Variants in ADGRB1 observed in about 807,000 individuals in gnomAD.
ADGRB1 encodes brain-specific angiogenesis inhibitor 1.
A neutral mutation model predicts 175.7 loss-of-function variants in ADGRB1; 36 were observed. The ratio of observed to expected loss-of-function variants is 0.20; its 90% confidence interval spans 0.16 to 0.27. The LOEUF (loss-of-function observed/expected upper bound fraction) is 0.27. ADGRB1 is among the 10% of genes least tolerant of loss of function. ADGRB1 has a pLI of 1.00. For missense variants in ADGRB1, 1,731 were observed against 2,255.3 expected (o/e 0.77, Z 4.71); for synonymous variants, 1,054 against 979.4 (o/e 1.08, Z -1.42).
chr8:142,501,536 G>T (rs1231691610), intron 17 of ADGRB1, among the ~76,000 whole-genome samples: 2 of 146,830 alleles, frequency 1.4e-5, no homozygotes, highest in East Asian at 3.9e-4. Context: ...TGGGGTGGTG[G>T]TGGTGATGGT....
intron 22 of ADGRB1, among the ~76,000 whole-genome samples, chr8:142,523,746 G>A (rs1217985755): frequency 6.9e-6 from 1 of 144,352 alleles, no homozygotes; most frequent in Non-Finnish European, 1.5e-5. Flanking sequence ...GTGGTGTCCA[G>A]AGATCTGGAG....
At chr8:142,520,968 G>A (rs767085386) in intron 20 of ADGRB1, 43 bp downstream of exon 20, 22 of 1,555,126 alleles carry the variant, frequency 1.4e-5, no homozygotes, top group East Asian at 2.2e-5. Context: ...CAACATCCTC[G>A]GGTGGTGAGG....
In ADGRB1 at chr8:142,526,472, C is replaced by A. The variant is rs1471457708; in HGVS notation, c.3313-70C>A. 7 of 1,384,008 alleles carry A rather than the reference C, an allele frequency of 5.1e-6. No individual in the cohort carries two copies. In the African/African-American group the frequency reaches 8.6e-5, roughly 17 times the overall value. The allele number at this position is 1,384,008 out of a possible 1,614,324, so 85.7% of individuals were successfully genotyped here. A position where few individuals can be genotyped will look rare whatever the true frequency, so the allele number is the denominator to read the frequency against. On this transcript the variant is annotated intron_variant, in intron 23 of 30. Transcript: ENST00000517894. ...CGTGGTTGGCGTAGCCAGCATCGGT[C>A]CGGCCAGTGTCAGCCCCTGAGCCTA...
intron 18 of ADGRB1, among the ~76,000 whole-genome samples, chr8:142,514,125 G>A (rs113231965): frequency 0.013 from 1,958 of 152,166 alleles, 51 homozygotes; most frequent in African/African-American, 0.045. Flanking sequence ...GGATGGACAC[G>A]TTGGGTGTGG....
At chr8:142,460,448 C>T (rs1839914177) in intron 1 of ADGRB1, among the ~76,000 whole-genome samples, 1 of 152,234 alleles carries the variant, frequency 6.6e-6, no homozygotes, top group African/African-American at 2.4e-5. Flanking sequence ...TATGGCCTCT[C>T]CCAAGGCCTG....
At chr8:142,473,341 G>A (rs1268200640) in intron 2 of ADGRB1, among the ~76,000 whole-genome samples, 1 of 152,212 alleles carries the variant, frequency 6.6e-6, no homozygotes, top group Non-Finnish European at 1.5e-5. Context: ...CTCAGAATCG[G>A]GGTGGTGGGA....
Position 142,510,056 on chromosome 8 carries a change from CAGG to C in ADGRB1, c.2676-865_2676-863del, listed in dbSNP as rs1481331517. The stretch of plus-strand genomic sequence containing the variant: ...AGGGTGGGGGAATTCGGCTCCAAAG[CAGG>C]AGGAGGAGGAAGAGGAGGCGGAGGA... On this transcript the variant is annotated intron_variant, in intron 17 of 30. Coordinates refer to ENST00000517894, the MANE Select transcript of ADGRB1 (RefSeq NM_001702.3). This position sits in a 1 kb window ranked among gnomAD's most constrained non-coding sequence, Gnocchi z 6.3. Among the ~76,000 whole-genome samples, 13 of 151,542 alleles carry C rather than the reference CAGG, an allele frequency of 8.6e-5. No homozygotes were observed. The highest frequency in any genetic ancestry group is 2.1e-4 in the South Asian group (1 of 4,768).
chr8:142,520,034 ATGG>A (rs1291207170), intron 19 of ADGRB1, among the ~76,000 whole-genome samples: 1,665 of 131,672 alleles, frequency 0.013, 27 homozygotes, highest in African/African-American at 0.045. Context: ...GGTGGTGGTG[ATGG>A]TGGTAGTGAT....
chr8:142,467,194 C>T (rs1018306223), intron 2 of ADGRB1, among the ~76,000 whole-genome samples: 4 of 152,208 alleles, frequency 2.6e-5, no homozygotes, highest in African/African-American at 9.6e-5. Flanking sequence ...TCGGGCCTCC[C>T]GTGGGAGATC....
At chr8:142,484,467 G>A (rs1172153140) in intron 12 of ADGRB1, among the ~76,000 whole-genome samples, 189 bp from the exon 13 acceptor site, 1 of 152,206 alleles carries the variant, frequency 6.6e-6, no homozygotes, top group Non-Finnish European at 1.5e-5. Flanking sequence ...CCCATGGGTG[G>A]GGCACAGCAG....
rs113884499 is a variant in ADGRB1 at position 142,505,503 on chromosome 8, G to T, written c.2676-5429G>T. Among the ~76,000 whole-genome samples the T allele has an allele frequency of 3.4e-3, 511 of 152,240 alleles. 5 individuals are homozygous for T. Among genetic ancestry groups the T allele is most frequent in the African/African-American group, 0.012 (492 of 41,546 alleles). The stretch of plus-strand genomic sequence containing the variant: ...GTGGCCCTGCACTGGGGCTGAGGGC[G>T]ACGTGAGGTGGGGATCCACACTGGG... On this transcript the variant is annotated intron_variant, in intron 17 of 30. Coordinates refer to ENST00000517894, the MANE Select transcript of ADGRB1 (RefSeq NM_001702.3).
At chr8:142,532,824 A>G (rs896499503) in intron 24 of ADGRB1, among the ~76,000 whole-genome samples, 2 of 151,940 alleles carry the variant, frequency 1.3e-5, no homozygotes, top group Non-Finnish European at 2.9e-5. Context: ...ACCCCACACC[A>G]GACAGCCCAT....
chr8:142,512,113 C>T (rs953905952), intron 18 of ADGRB1, among the ~76,000 whole-genome samples: 13 of 152,236 alleles, frequency 8.5e-5, no homozygotes, highest in African/African-American at 3.1e-4. Context: ...CGGATGGGAC[C>T]CTCCAGGCCA....
intron 24 of ADGRB1, among the ~76,000 whole-genome samples, chr8:142,532,265 G>T (rs1844666461): frequency 1.3e-5 from 2 of 152,326 alleles, no homozygotes; most frequent in South Asian, 4.1e-4. Flanking sequence ...CCGCAGCCGG[G>T]GTCCTGCTGG....
chr8:142,529,018 C>A (rs1362850103), intron 24 of ADGRB1, among the ~76,000 whole-genome samples: 3 of 152,352 alleles, frequency 2.0e-5, no homozygotes, highest in Non-Finnish European at 4.4e-5. Flanking sequence ...GAACCTCCAC[C>A]CCCACCCCTG....
chr8:142,544,240 C>T lies in ADGRB1; in HGVS notation c.4578C>T (p.Pro1526=). ...AGCAGCCGGAAAAGCAGCAGACGCC[C>T]AACAAGAGGCCCTGGGAGAGCCTCC... ...PDSKPEKQQT[P]NKRPWESLRK... is the part of the protein sequence containing the mutation. The change falls in exon 31 of 31, where the codon CCC becomes CCT. Residue 1526 remains proline (P), a synonymous_variant. Transcript: ENST00000517894. 6.5e-7 allele frequency: 1 copy of T among 1,549,086 alleles called. No individual in the cohort carries two copies.
intron 3 of ADGRB1, among the ~76,000 whole-genome samples, chr8:142,476,190 T>C (rs1840962973): frequency 6.6e-6 from 1 of 152,216 alleles, no homozygotes; most frequent in Admixed American, 6.5e-5. Flanking sequence ...TGTCATTGTT[T>C]GGGCTGTTTT....
At chr8:142,530,101 T>C (rs1844530659) in intron 24 of ADGRB1, among the ~76,000 whole-genome samples, 2 of 151,956 alleles carry the variant, frequency 1.3e-5, no homozygotes, top group Admixed American at 6.6e-5. Context: ...CAACTTGATA[T>C]TTTGCGTTAG....
chr8:142,486,904 C>G (rs547831874), intron 13 of ADGRB1, among the ~76,000 whole-genome samples: 15 of 152,240 alleles, frequency 9.9e-5, no homozygotes, highest in African/African-American at 3.6e-4. Flanking sequence ...CCTTTAGTCC[C>G]TGCTACTAGG....
Sources: gnomAD v4.1 joint callset for allele counts (sites outside exome capture counted in the v4.1 genomes callset) on GRCh38, gnomAD v4.1.1 for gene constraint, Gnocchi (gnomAD v3.1) non-coding constraint, MANE v1.5 for transcripts, NCBI Gene and HGNC (gene_info 2026-07-23, HGNC 2026-07-21) for gene names.